BNC2: variants seen among roughly 807,000 people sequenced by gnomAD.
BNC2 encodes zinc finger protein basonuclin-2.
In BNC2, 20 loss-of-function variants were observed where a neutral mutation model predicts 76.3. The observed-to-expected ratio is 0.26, with a 90% CI of 0.18 to 0.38. The LOEUF is 0.38. Ranked by LOEUF, BNC2 falls within the 10% of genes least tolerant of loss-of-function variation. The pLI, the probability that BNC2 is intolerant of heterozygous loss-of-function variation, is 1.00. For missense variants in BNC2, 1,382 were observed against 1,399.8 expected (o/e 0.99, Z 0.20); for synonymous variants, 582 against 514.8 (o/e 1.13, Z -1.77).
At chr9:16,597,602 A>G (rs1820128960) in intron 3 of BNC2, among the ~76,000 whole-genome samples, 3 of 152,270 alleles carry the variant, frequency 2.0e-5, no homozygotes, top group Non-Finnish European at 4.4e-5. Context: ...AATCTACAGC[A>G]ATTCTAAAGG....
At chr9:16,797,968 A>C (rs1817697482) in intron 1 of BNC2, among the ~76,000 whole-genome samples, 1 of 152,152 alleles carries the variant, frequency 6.6e-6, no homozygotes, top group African/African-American at 2.4e-5. Context: ...TATTAAGTTA[A>C]TGTTTTAGCT....
chr9:16,750,283 G>C (rs1825150304), intron 1 of BNC2, among the ~76,000 whole-genome samples: 4 of 152,170 alleles, frequency 2.6e-5, no homozygotes, highest in Non-Finnish European at 5.9e-5. Context: ...GTACTATACA[G>C]TTAAAATATT....
chr9:16,517,090 ACTAACAACATTCCC>A (rs1476611927), intron 5 of BNC2, among the ~76,000 whole-genome samples: 1 of 152,196 alleles, frequency 6.6e-6, no homozygotes, highest in East Asian at 1.9e-4. Flanking sequence ...GGTTTTGAGG[ACTAACAACATTCCC>A]CCATAATGAT....
In BNC2 at chr9:16,417,567, C is replaced by A. The variant is rs191206526; in HGVS notation, c.*1422G>T. ...GTTAAATGCCTTTTGATTTTGTCTA[C>A]CAAACAGGCCTGAATTATAGTACGA... is the stretch of plus-strand genomic sequence containing the variant. On this transcript the variant is annotated 3_prime_UTR_variant, in exon 7 of 7. Transcript: ENST00000380672. 4 of 152,312 alleles carry A rather than the reference C, an allele frequency of 2.6e-5. No individual in the cohort carries two copies. Among genetic ancestry groups the A allele is most frequent in the Admixed American group, 2.6e-4 (4 of 15,304 alleles). 9.4% of individuals were successfully genotyped at this position (152,312 alleles called of 1,614,324 possible).
At chr9:16,526,887 A>G (rs1184884231) in intron 5 of BNC2, among the ~76,000 whole-genome samples, 2 of 152,240 alleles carry the variant, frequency 1.3e-5, no homozygotes, top group African/African-American at 4.8e-5. Flanking sequence ...ACAAGCAGTT[A>G]TTGTAGAGCA....
chr9:16,614,958 TAAAAAAAAA>T (rs60545823), intron 3 of BNC2, among the ~76,000 whole-genome samples: 1 of 62,526 alleles, frequency 1.6e-5, no homozygotes, highest in Non-Finnish European at 3.0e-5. Flanking sequence ...TCTGTCTCTT[TAAAAAAAAA>T]AAAAAAAAAA....
At chr9:16,760,984 T>C (rs1303885196) in intron 1 of BNC2, among the ~76,000 whole-genome samples, 2 of 152,096 alleles carry the variant, frequency 1.3e-5, no homozygotes, top group African/African-American at 4.8e-5. Flanking sequence ...GGCTCACACC[T>C]GTAATCCCAG....
intron 3 of BNC2, among the ~76,000 whole-genome samples, chr9:16,622,205 A>C (rs1820884449): frequency 6.6e-6 from 1 of 152,160 alleles, no homozygotes. Context: ...TTTCATTCCT[A>C]AACTCCATGA....
chr9:16,736,836 C>G (rs1191410959), intron 2 of BNC2, among the ~76,000 whole-genome samples: 1 of 150,410 alleles, frequency 6.6e-6, no homozygotes, highest in Non-Finnish European at 1.5e-5. Flanking sequence ...CTAGCTCTTT[C>G]ACTCTTGTTG....
chr9:16,484,959 G>T (rs1336642126), intron 5 of BNC2, among the ~76,000 whole-genome samples: 1 of 152,148 alleles, frequency 6.6e-6, no homozygotes, highest in Non-Finnish European at 1.5e-5. Context: ...GAGCTTGAAT[G>T]TTTGTTTGAG....
intron 3 of BNC2, among the ~76,000 whole-genome samples, chr9:16,653,457 G>A (rs1194946466): frequency 1.3e-5 from 2 of 152,048 alleles, no homozygotes. Context: ...ACGGACAAAT[G>A]AAATAAAAAG....
In BNC2 at chr9:16,509,646, C is replaced by G. The variant is rs1055957122; in HGVS notation, c.669+42884G>C. Among the ~76,000 whole-genome samples, 5 of 152,184 alleles carry G rather than the reference C, an allele frequency of 3.3e-5. 1 individual carries two copies. The highest frequency in any genetic ancestry group is 9.6e-5 in the African/African-American group (4 of 41,458). ...TGGGTAAAAGTAATTCTGAAGGCTT[C>G]AAAGATCTATTCAGTTCCATACCAA... On this transcript the variant is annotated intron_variant, in intron 5 of 6. Transcript: ENST00000380672.
chr9:16,722,199 C>T (rs559979031), intron 3 of BNC2, among the ~76,000 whole-genome samples: 22 of 152,322 alleles, frequency 1.4e-4, no homozygotes, highest in African/African-American at 4.6e-4. Flanking sequence ...ACCTGGCAAA[C>T]TTGAATGCTT....
At chr9:16,853,855 G>C (rs967488428) in intron 1 of BNC2, among the ~76,000 whole-genome samples, 5 of 152,174 alleles carry the variant, frequency 3.3e-5, no homozygotes, top group Admixed American at 1.3e-4. Context: ...GCAATAGAGG[G>C]AGACTCTGTC....
Position 16,417,551 on chromosome 9 carries a change from CTTTTGA to C in BNC2, c.*1432_*1437del, listed in dbSNP as rs956461716. 2 of 152,202 alleles carry C rather than the reference CTTTTGA, an allele frequency of 1.3e-5. No homozygotes were observed. Among genetic ancestry groups the C allele is most frequent in the Non-Finnish European group, 2.9e-5 (2 of 68,050 alleles). 9.4% of individuals were successfully genotyped at this position (152,202 alleles called of 1,614,324 possible). ...TCCAAGTACTGCTGCTGTTAAATGCCTTTTGATTTTGTCTACCAAACAGGCCTGAAT... is the reference window on the plus strand; with the variant it reads ...TCCAAGTACTGCTGCTGTTAAATGCCTTTTGTCTACCAAACAGGCCTGAAT... On this transcript the variant is annotated 3_prime_UTR_variant, in exon 7 of 7. Coordinates refer to ENST00000380672, the MANE Select transcript of BNC2 (RefSeq NM_017637.6).
At chr9:16,848,316 G>A (rs1265831247) in intron 1 of BNC2, among the ~76,000 whole-genome samples, 5 of 152,196 alleles carry the variant, frequency 3.3e-5, no homozygotes. Flanking sequence ...GTGTAGTGAA[G>A]AGGAGGTATT....
At chr9:16,488,244 T>C (rs1339691390) in intron 5 of BNC2, among the ~76,000 whole-genome samples, 1 of 152,184 alleles carries the variant, frequency 6.6e-6, no homozygotes, top group South Asian at 2.1e-4. Flanking sequence ...CAACGTACTA[T>C]ATCTTGATAT....
intron 1 of BNC2, among the ~76,000 whole-genome samples, chr9:16,811,865 G>T (rs975275937): frequency 6.6e-6 from 1 of 152,192 alleles, no homozygotes; most frequent in African/African-American, 2.4e-5. Flanking sequence ...GTCTTGAGTT[G>T]GGTTAGATGA....
chr9:16,700,302 G>A (rs1019828566), intron 3 of BNC2, among the ~76,000 whole-genome samples: 5 of 151,934 alleles, frequency 3.3e-5, no homozygotes, highest in African/African-American at 1.2e-4. Flanking sequence ...TAATCCCAGC[G>A]CTTTGGGAAG....
Sources: allele counts gnomAD v4.1 joint callset (sites outside exome capture counted in the v4.1 genomes callset), GRCh38; gene constraint gnomAD v4.1.1; transcripts MANE v1.5; gene names NCBI Gene and HGNC (gene_info 2026-07-23, HGNC 2026-07-21).